PEMT: variants seen among roughly 807,000 people sequenced by gnomAD.
PEMT encodes phospholipid methyltransferase.
A neutral mutation model predicts 27.4 loss-of-function variants in PEMT; 23 were observed. The observed-to-expected ratio is 0.84, with a 90% CI of 0.60 to 1.19. The LOEUF (loss-of-function observed/expected upper bound fraction) is 1.19. PEMT is among the 50% of genes most tolerant of loss of function. PEMT has a pLI of 0.00. For synonymous variants in PEMT, 137 were observed against 139.1 expected, an observed-to-expected ratio of 0.98 and a Z score of 0.11; for missense variants, 307 against 310.1, an observed-to-expected ratio of 0.99 and a Z score of 0.07.
chr17:17,512,737 C>G lies in PEMT; in HGVS notation c.321-83G>C, dbSNP rs1342475295. The G allele has an allele frequency of 2.3e-6, 3 of 1,332,332 alleles. No homozygotes were observed. Among genetic ancestry groups the G allele is most frequent in the Non-Finnish European group, 3.0e-6 (3 of 1,014,780 alleles). The allele number at this position is 1,332,332 out of a possible 1,614,324, so 82.5% of individuals were successfully genotyped here. On this transcript the variant is annotated intron_variant, in intron 3 of 6. Transcript: ENST00000255389. This position sits in a 1 kb window ranked among gnomAD's most constrained non-coding sequence, Gnocchi z 6.3. ...GGAGGAGGCCGACCTCATCTTCTCG[C>G]CCTCTCCCCAGGGACCCTTAGAGAG...
At chr17:17,555,382 C>G (rs1438527465) in intron 2 of PEMT, among the ~76,000 whole-genome samples, 1 of 152,220 alleles carries the variant, frequency 6.6e-6, no homozygotes, top group Non-Finnish European at 1.5e-5. Flanking sequence ...CAGCCCGGCC[C>G]ACCTCCCGAG....
At chr17:17,586,077 C>T (rs1047888960) in intron 1 of PEMT, among the ~76,000 whole-genome samples, 19 of 130,412 alleles carry the variant, frequency 1.5e-4, no homozygotes, top group Non-Finnish European at 1.6e-5. Context: ...AGCGAGACTC[C>T]GTCTCAAAAA....
chr17:17,535,120 G>C (rs199699445), intron 2 of PEMT, among the ~76,000 whole-genome samples: 1 of 151,926 alleles, frequency 6.6e-6, no homozygotes, highest in South Asian at 2.1e-4. Flanking sequence ...ATGTTGGCCA[G>C]GCTGGTCTCA....
At chr17:17,566,991 G>T (rs142535013) in intron 2 of PEMT, among the ~76,000 whole-genome samples, 3 of 152,232 alleles carry the variant, frequency 2.0e-5, no homozygotes, top group Non-Finnish European at 4.4e-5. Flanking sequence ...AGGGCCGCAC[G>T]CTGCCTTTCG....
At chr17:17,509,354 G>A in intron 5 of PEMT, 80 bp downstream of exon 5, 1 of 884,580 alleles carries the variant, frequency 1.1e-6, no homozygotes, top group South Asian at 1.6e-5. Flanking sequence ...CAGGGGCCCT[G>A]GCCCCCGCGT....
intron 2 of PEMT, among the ~76,000 whole-genome samples, chr17:17,552,866 A>G (rs1320722498): frequency 6.6e-6 from 1 of 152,134 alleles, no homozygotes; most frequent in East Asian, 1.9e-4. Context: ...CTCAGGGAAC[A>G]ACCTTTTCTG....
At chr17:17,539,273 G>A (rs1908710604) in intron 2 of PEMT, among the ~76,000 whole-genome samples, 1 of 152,088 alleles carries the variant, frequency 6.6e-6, no homozygotes, top group Admixed American at 6.5e-5. Context: ...AAGCCACTGT[G>A]CCCCAACCAG....
intron 1 of PEMT, among the ~76,000 whole-genome samples, chr17:17,581,181 C>T (rs1911953964): frequency 6.6e-6 from 1 of 152,176 alleles, no homozygotes; most frequent in Admixed American, 6.5e-5. Context: ...ACTACTTCCC[C>T]ACTGGGCCCT....
In PEMT at chr17:17,512,393, G is replaced by A. The variant is rs1906476537; in HGVS notation, c.466+116C>T. On this transcript the variant is annotated intron_variant, in intron 4 of 6. Transcript: ENST00000255389. This position sits in a 1 kb window ranked among gnomAD's most constrained non-coding sequence, Gnocchi z 6.3. ...AGGAGCAAAGACGCCCCGATGGAGG[G>A]GGCCCCTAGCACTCCCACCGATGTC... The A allele has an allele frequency of 7.7e-6, 8 of 1,032,452 alleles. No homozygotes were observed. Among genetic ancestry groups the A allele is most frequent in the Non-Finnish European group, 9.2e-6 (7 of 759,712 alleles). The allele number at this position is 1,032,452 out of a possible 1,614,324, so 64.0% of individuals were successfully genotyped here.
At chr17:17,526,308 C>T (rs144595464) in intron 2 of PEMT, among the ~76,000 whole-genome samples, 2 of 152,232 alleles carry the variant, frequency 1.3e-5, no homozygotes, top group African/African-American at 2.4e-5. Flanking sequence ...GGAATGGGGT[C>T]GAGACCCAGG....
At chr17:17,577,541 C>A (rs925414144) in intron 1 of PEMT, 2 of 991,150 alleles carry the variant, frequency 2.0e-6, no homozygotes, top group African/African-American at 3.5e-5. Context: ...AGTGTGTGCC[C>A]ACATCCCGGC....
At chr17:17,575,822 G>A (rs1567745868) in intron 2 of PEMT, among the ~76,000 whole-genome samples, 1 of 152,172 alleles carries the variant, frequency 6.6e-6, no homozygotes, top group Non-Finnish European at 1.5e-5. Context: ...AGCAGGAACA[G>A]GGCATTCTTT....
intron 2 of PEMT, among the ~76,000 whole-genome samples, chr17:17,528,443 C>T (rs1288027032): frequency 6.6e-6 from 1 of 152,252 alleles, no homozygotes; most frequent in East Asian, 1.9e-4. Flanking sequence ...ACTCAACAAG[C>T]ACGGGTCTGT....
At chr17:17,522,194 C>A (rs765027228) in intron 3 of PEMT, 86 bp downstream of exon 3, 76 of 949,322 alleles carry the variant, frequency 8.0e-5, no homozygotes, top group Admixed American at 4.0e-4. Flanking sequence ...ACAAGGCTCC[C>A]GCGTGGTGAG....
chr17:17,569,604 C>T lies in PEMT; in HGVS notation c.204+7316G>A, dbSNP rs547025792. 2.6e-5 allele frequency among the ~76,000 whole-genome samples: 4 copies of T among 152,312 alleles called. No homozygotes were observed. The East Asian group carries it at 7.7e-4, about 29-fold the overall frequency. On this transcript the variant is annotated intron_variant, in intron 2 of 6. Coordinates refer to ENST00000255389, the MANE Select transcript of PEMT (RefSeq NM_148172.3). Reference sequence around the variant, plus strand: ...GTCTTGGCAGGATTCCTTACAGCTCCCCTTCAGGTTTACGGGGTCCCAGTG... The same window carrying T: ...GTCTTGGCAGGATTCCTTACAGCTCTCCTTCAGGTTTACGGGGTCCCAGTG...
rs1189130579 is a variant in PEMT, at chr17:17,523,261, T to C, written c.205-866A>G. On this transcript the variant is annotated intron_variant, in intron 2 of 6. Coordinates refer to ENST00000255389, the MANE Select transcript of PEMT (RefSeq NM_148172.3). The surrounding 1 kb of genome is among the most constrained non-coding windows in gnomAD (Gnocchi z 4.8). ...TGGGCCCAGAGTAGGCGCCTGTGTG[T>C]GCACAGGAAGAGCCTCAGAGGCCTG... 6.6e-6 allele frequency among the ~76,000 whole-genome samples: 1 copy of C among 152,142 alleles called. No homozygotes were observed. The highest frequency in any genetic ancestry group is 2.4e-5 in the African/African-American group (1 of 41,430).
At chr17:17,554,989 G>A (rs1039878586) in intron 2 of PEMT, among the ~76,000 whole-genome samples, 1 of 152,090 alleles carries the variant, frequency 6.6e-6, no homozygotes, top group Non-Finnish European at 1.5e-5. Flanking sequence ...GGCCATGCAC[G>A]GCCTCCACTG....
chr17:17,508,684 G>A (rs1442154180), intron 5 of PEMT: 8 of 417,680 alleles, frequency 1.9e-5, no homozygotes, highest in African/African-American at 4.3e-5. Context: ...GGCAGCGCCC[G>A]CTGTGCCATC....
chr17:17,552,132 G>A (rs950149967), intron 2 of PEMT, among the ~76,000 whole-genome samples: 2 of 152,074 alleles, frequency 1.3e-5, no homozygotes, highest in Non-Finnish European at 2.9e-5. Flanking sequence ...AACCTGGGAG[G>A]TGGAGGTTGT....
Sources: allele counts gnomAD v4.1 joint callset (sites outside exome capture counted in the v4.1 genomes callset), GRCh38; gene constraint gnomAD v4.1.1; non-coding constraint Gnocchi (gnomAD v3.1); transcripts MANE v1.5; gene names NCBI Gene and HGNC (gene_info 2026-07-23, HGNC 2026-07-21).